GATA4: variants seen among roughly 807,000 people sequenced by gnomAD.
The protein encoded by GATA4 is transcription factor GATA-4.
A neutral mutation model predicts 37.9 loss-of-function variants in GATA4; 7 were observed. That is an observed-to-expected ratio of 0.18 (90% CI 0.11 to 0.35). The LOEUF is 0.35. Ranked by LOEUF, GATA4 falls within the 10% of genes least tolerant of loss-of-function variation. GATA4 has a pLI of 1.00. For synonymous variants in GATA4, 372 were observed against 292.6 expected, an observed-to-expected ratio of 1.27 and a Z score of -2.77; for missense variants, 647 against 653.0, an observed-to-expected ratio of 0.99 and a Z score of 0.10.
At chr8:11,726,224 G>A (rs1476317653) in intron 2 of GATA4, among the ~76,000 whole-genome samples, 6 of 152,126 alleles carry the variant, frequency 3.9e-5, no homozygotes, top group East Asian at 1.9e-4. Flanking sequence ...CGGCGGGAGC[G>A]GAGCCATCCT....
intron 1 of GATA4, among the ~76,000 whole-genome samples, chr8:11,695,948 A>G (rs1322297191): frequency 6.6e-6 from 1 of 152,146 alleles, no homozygotes; most frequent in Non-Finnish European, 1.5e-5. Flanking sequence ...AAAGAAATGC[A>G]AGGCTTTCTT....
At chr8:11,748,232 A>C (rs946205132) in intron 2 of GATA4, among the ~76,000 whole-genome samples, 1 of 151,986 alleles carries the variant, frequency 6.6e-6, no homozygotes, top group Non-Finnish European at 1.5e-5. Flanking sequence ...AAGAGAAAAG[A>C]AGTCTCACAA....
intron 2 of GATA4, among the ~76,000 whole-genome samples, chr8:11,743,506 A>G (rs1304172611): frequency 2.0e-5 from 3 of 152,236 alleles, no homozygotes; most frequent in African/African-American, 7.2e-5. Context: ...ATGGGGCGGC[A>G]GCAGTGGCCT....
intron 1 of GATA4, among the ~76,000 whole-genome samples, chr8:11,706,301 C>T (rs1799885833): frequency 6.6e-6 from 1 of 152,076 alleles, no homozygotes; most frequent in Non-Finnish European, 1.5e-5. Flanking sequence ...GATTCCATTT[C>T]CAGATTTTTA....
At chr8:11,746,887 C>A (rs1267287197) in intron 2 of GATA4, among the ~76,000 whole-genome samples, 3 of 152,254 alleles carry the variant, frequency 2.0e-5, no homozygotes, top group African/African-American at 7.2e-5. Flanking sequence ...CACCTGCACA[C>A]TGTTTACTTG....
Position 11,749,570 on chromosome 8 carries a change from G to A in GATA4, c.786+485G>A, listed in dbSNP as rs1802194332. Reference sequence around the variant, plus strand: ...GTGGCTAGGGAAGAGTTTGGGCCTGGGGCTTGGCTCCTGGCTTCCTGCTCC... The same window carrying A: ...GTGGCTAGGGAAGAGTTTGGGCCTGAGGCTTGGCTCCTGGCTTCCTGCTCC... On this transcript the variant is annotated intron_variant, in intron 3 of 6. Transcript: ENST00000532059. The surrounding 1 kb of genome is among the most constrained non-coding windows in gnomAD (Gnocchi z 4.6). 6.6e-6 allele frequency among the ~76,000 whole-genome samples: 1 copy of A among 152,192 alleles called. No homozygotes were observed.
rs1466334264 is a variant in GATA4 at position 11,708,553 on chromosome 8, G to A, written c.241G>A (p.Gly81Arg). ...SGGAASGAGP[G>R]TQQGSPGWSQ... Reference sequence around the variant, plus strand: ...TGGGGCCGCGTCTGGTGCGGGGCCCGGGACCCAGCAGGGCAGCCCGGGATG... The same window carrying A: ...TGGGGCCGCGTCTGGTGCGGGGCCCAGGACCCAGCAGGGCAGCCCGGGATG... Residue 81 changes from glycine (G) to arginine (R), a missense_variant, in exon 2 of 7, where the codon GGG becomes AGG. By Grantham distance (125) the Gly-to-Arg change is moderately radical. Coordinates refer to ENST00000532059, the MANE Select transcript of GATA4 (RefSeq NM_001308093.3). The surrounding 1 kb of genome is among the most constrained non-coding windows in gnomAD (Gnocchi z 6.7). 9 of 1,413,288 alleles carry A rather than the reference G, an allele frequency of 6.4e-6. No homozygotes were observed. The highest frequency in any genetic ancestry group is 8.2e-6 in the Non-Finnish European group (9 of 1,091,294). The allele number at this position is 1,413,288 out of a possible 1,614,324, so 87.5% of individuals were successfully genotyped here.
At chr8:11,697,645 C>G (rs567575796) in intron 1 of GATA4, 305 of 985,468 alleles carry the variant, frequency 3.1e-4, no homozygotes, top group Admixed American at 4.3e-4. Context: ...CACAGCCCCC[C>G]TTTCAGAGGA....
chr8:11,678,503 T>C (rs1491003961), intron 1 of GATA4, among the ~76,000 whole-genome samples: 1 of 152,198 alleles, frequency 6.6e-6, no homozygotes, highest in African/African-American at 2.4e-5. Context: ...CCTGCTCTTC[T>C]GTACGCTGTC....
intron 1 of GATA4, chr8:11,680,508 G>A (rs1343774477): frequency 4.1e-6 from 4 of 985,472 alleles, no homozygotes; most frequent in Non-Finnish European, 4.8e-6. Flanking sequence ...GCGCCACATG[G>A]GCCAGGTCAC....
intron 2 of GATA4, among the ~76,000 whole-genome samples, chr8:11,715,813 A>G (rs1457423119): frequency 2.0e-5 from 3 of 152,094 alleles, no homozygotes; most frequent in African/African-American, 7.2e-5. Flanking sequence ...ATACCTTTGC[A>G]TTGCTGTGTA....
At chr8:11,689,694 C>A (rs1174236780), upstream of GATA4, among the ~76,000 whole-genome samples, 1 of 152,190 alleles carries the variant, frequency 6.6e-6, no homozygotes, top group Non-Finnish European at 1.5e-5. Context: ...CACCCACCCC[C>A]ACCCTTGGCT....
intron 2 of GATA4, among the ~76,000 whole-genome samples, chr8:11,720,239 G>T (rs1188366661): frequency 1.3e-5 from 2 of 151,802 alleles, no homozygotes; most frequent in African/African-American, 4.8e-5. Flanking sequence ...GTTTAAAATC[G>T]AGTGTCTTCC....
chr8:11,748,107 A>G (rs891932420), intron 2 of GATA4, among the ~76,000 whole-genome samples: 1 of 152,206 alleles, frequency 6.6e-6, no homozygotes, highest in South Asian at 2.1e-4. Flanking sequence ...AATCCTAGCT[A>G]CTTCGGAGGC....
chr8:11,696,355 G>A (rs1319158503), intron 1 of GATA4, among the ~76,000 whole-genome samples: 3 of 151,982 alleles, frequency 2.0e-5, no homozygotes, highest in African/African-American at 7.3e-5. Flanking sequence ...GAATGTCATA[G>A]AAAATGGATT....
chr8:11,692,021 T>A (rs965499163), upstream of GATA4: 3 of 985,284 alleles, frequency 3.0e-6, no homozygotes, highest in African/African-American at 5.2e-5. Context: ...TCGCAGGGGA[T>A]CTGTTCATGA....
chr8:11,729,880 C>G (rs868862472), intron 2 of GATA4, among the ~76,000 whole-genome samples: 1 of 152,010 alleles, frequency 6.6e-6, no homozygotes, highest in African/African-American at 2.4e-5. Context: ...GTTTTTAAAC[C>G]CAATATATAA....
At position 11,697,733 on chromosome 8, in the gene GATA4, T is replaced by C. The variant is rs1045739086; in HGVS notation, c.-728-2775T>C. On this transcript the variant is annotated intron_variant, in intron 1 of 2. Coordinates refer to the GATA4 transcript ENST00000526974. Reference sequence around the variant, plus strand: ...CGCTTCCTTGACACTTTCCTGTCTCTGCTCGCCGCGCCAGGTCGCGGCGCC... The same window carrying C: ...CGCTTCCTTGACACTTTCCTGTCTCCGCTCGCCGCGCCAGGTCGCGGCGCC... The C allele has an allele frequency of 1.4e-5, 14 of 985,352 alleles. No individual in the cohort carries two copies. The African/African-American group carries it at 2.4e-4, about 17-fold the overall frequency. 61.0% of individuals were successfully genotyped at this position (985,352 alleles called of 1,614,324 possible).
intron 2 of GATA4, among the ~76,000 whole-genome samples, chr8:11,729,733 G>A (rs1801112400): frequency 6.6e-6 from 1 of 152,172 alleles, no homozygotes; most frequent in African/African-American, 2.4e-5. Context: ...TCGCTGAAAA[G>A]CAGGGGTTAA....
Sources: gnomAD v4.1 joint callset for allele counts (sites outside exome capture counted in the v4.1 genomes callset) on GRCh38, gnomAD v4.1.1 for gene constraint, Gnocchi (gnomAD v3.1) non-coding constraint, MANE v1.5 for transcripts, NCBI Gene and HGNC (gene_info 2026-07-23, HGNC 2026-07-21) for gene names.